SLC24A2: variants seen among roughly 807,000 people sequenced by gnomAD.
SLC24A2 encodes solute carrier family 24 member 2, also known as sodium/potassium/calcium exchanger 2.
Under a neutral mutation model 62.0 loss-of-function variants are expected in SLC24A2, and 36 were observed. The ratio of observed to expected loss-of-function variants is 0.58; its 90% CI spans 0.44 to 0.77. SLC24A2 has a LOEUF of 0.77. Among genes scored for constraint, SLC24A2 ranks in the 30% least tolerant of loss-of-function variants. The pLI is 0.00. For missense variants in SLC24A2, 846 were observed against 817.9 expected (o/e 1.03, Z -0.42); for synonymous variants, 358 against 294.0 (o/e 1.22, Z -2.23).
chr9:19,749,729 A>C (rs898542571), intron 2 of SLC24A2, among the ~76,000 whole-genome samples: 1 of 152,234 alleles, frequency 6.6e-6, no homozygotes, highest in African/African-American at 2.4e-5. Context: ...CTCCTTGTAT[A>C]ATGAAAAACG....
At chr9:19,861,949 G>C in the SLC24A2 span, among the ~76,000 whole-genome samples, 1 of 152,128 alleles carries the variant, frequency 6.6e-6, no homozygotes, top group Non-Finnish European at 1.5e-5. Flanking sequence ...ACGGGATCTA[G>C]AGAATAGCTT....
the SLC24A2 span, chr9:19,929,162 G>C: frequency 6.6e-6 from 1 of 152,132 alleles, no homozygotes; most frequent in Admixed American, 6.6e-5. Context: ...AGATGATCTG[G>C]TAGTTTCTGA....
chr9:19,933,056 C>A, the SLC24A2 span, among the ~76,000 whole-genome samples: 1 of 152,138 alleles, frequency 6.6e-6, no homozygotes, highest in Non-Finnish European at 1.5e-5. Flanking sequence ...GTGGGGGCTG[C>A]GGGGAGGATG....
At chr9:19,780,491 C>G (rs1822981240) in intron 2 of SLC24A2, among the ~76,000 whole-genome samples, 2 of 151,758 alleles carry the variant, frequency 1.3e-5, no homozygotes, top group South Asian at 4.2e-4. Flanking sequence ...TGGTTTTGAA[C>G]TCCTGACCTT....
chr9:20,244,427 C>G, the SLC24A2 span, among the ~76,000 whole-genome samples: 160 of 152,280 alleles, frequency 1.1e-3, no homozygotes, highest in African/African-American at 3.7e-3. Flanking sequence ...CCCTCACCCC[C>G]AGGCCAGGCA....
the SLC24A2 span, among the ~76,000 whole-genome samples, chr9:20,190,131 T>G: frequency 2.0e-5 from 3 of 152,200 alleles, no homozygotes; most frequent in Admixed American, 6.5e-5. Flanking sequence ...ACTCCCTGCA[T>G]GAAGCCTGGC....
At chr9:19,646,612 GGAT>G (rs1408176149) in intron 2 of SLC24A2, among the ~76,000 whole-genome samples, 1 of 152,126 alleles carries the variant, frequency 6.6e-6, no homozygotes, top group Non-Finnish European at 1.5e-5. Context: ...AGATTTTGAT[GGAT>G]AATAACAACC....
intron 4 of SLC24A2, among the ~76,000 whole-genome samples, chr9:19,597,548 G>T (rs1836734688): frequency 6.6e-6 from 1 of 152,120 alleles, no homozygotes; most frequent in Admixed American, 6.6e-5. Context: ...CAATGAAACA[G>T]AGTATTTGGC....
chr9:20,009,112 T>C, the SLC24A2 span, among the ~76,000 whole-genome samples: 1 of 152,172 alleles, frequency 6.6e-6, no homozygotes, highest in Non-Finnish European at 1.5e-5. Context: ...ATGGTTTCTA[T>C]AGTGGGAAAA....
chr9:19,772,493 C>G (rs1822719771), intron 2 of SLC24A2, among the ~76,000 whole-genome samples: 1 of 152,012 alleles, frequency 6.6e-6, no homozygotes, highest in African/African-American at 2.4e-5. Flanking sequence ...GGCTTGTAAC[C>G]AGAATAGATA....
chr9:19,533,173 A>T (rs183393804), intron 8 of SLC24A2, among the ~76,000 whole-genome samples: 1 of 152,292 alleles, frequency 6.6e-6, no homozygotes, highest in East Asian at 1.9e-4. Context: ...ACATGAAAAA[A>T]TCATGTTTTC....
At position 19,627,042 on chromosome 9, in the gene SLC24A2, G is replaced by T. The variant is rs113462194; in HGVS notation, c.931-4743C>A. Among the ~76,000 whole-genome samples the T allele has an allele frequency of 3.9e-3, 598 of 152,254 alleles. 4 individuals carry two copies. Among genetic ancestry groups the T allele is most frequent in the African/African-American group, 0.013 (547 of 41,564 alleles). On this transcript the variant is annotated intron_variant, in intron 2 of 10. Coordinates refer to ENST00000341998, the MANE Select transcript of SLC24A2 (RefSeq NM_020344.4). ...TTAAATAAATTCCTAGACAAAGAAA[G>T]AAAAATTTAAATTCAAATTACTTTG...
At chr9:19,762,790 G>GGGC (rs1249273186) in intron 2 of SLC24A2, among the ~76,000 whole-genome samples, 1 of 103,652 alleles carries the variant, frequency 9.6e-6, no homozygotes, top group Non-Finnish European at 2.2e-5. Context: ...TTGGCTATAT[G>GGGC]TGCTTTTTTT....
chr9:20,270,362 A>C, the SLC24A2 span, among the ~76,000 whole-genome samples: 1 of 152,152 alleles, frequency 6.6e-6, no homozygotes, highest in Non-Finnish European at 1.5e-5. Context: ...ATTGGGAATA[A>C]TGGTAAGGAG....
the SLC24A2 span, among the ~76,000 whole-genome samples, chr9:20,063,034 A>C: frequency 1.7e-5 from 2 of 118,178 alleles, no homozygotes. Context: ...ACACTTTTAC[A>C]CTGTTGGTGG....
At chr9:20,206,458 A>G in the SLC24A2 span, among the ~76,000 whole-genome samples, 1 of 152,018 alleles carries the variant, frequency 6.6e-6, no homozygotes, top group Admixed American at 6.5e-5. Context: ...TCCCAAAAAA[A>G]GTTACATTAA....
chr9:19,608,955 G>C (rs992087668), intron 4 of SLC24A2, among the ~76,000 whole-genome samples: 1 of 152,178 alleles, frequency 6.6e-6, no homozygotes, highest in Admixed American at 6.5e-5. Flanking sequence ...GGGTTTCCCT[G>C]AGCCAGCTGG....
At chr9:19,971,063 T>C in the SLC24A2 span, among the ~76,000 whole-genome samples, 37,547 of 152,146 alleles carry the variant, frequency 0.25, 5,703 homozygotes, top group Admixed American at 0.39. Flanking sequence ...AACAGAGATC[T>C]GAAAAGCACT....
the SLC24A2 span, among the ~76,000 whole-genome samples, chr9:20,201,704 A>T: frequency 2.6e-5 from 4 of 152,284 alleles, no homozygotes; most frequent in African/African-American, 9.6e-5. Flanking sequence ...TTAGGGTTTT[A>T]TCAAGATGGA....
Sources: allele counts gnomAD v4.1 joint callset (sites outside exome capture counted in the v4.1 genomes callset), GRCh38; gene constraint gnomAD v4.1.1; transcripts MANE v1.5; gene names NCBI Gene and HGNC (gene_info 2026-07-23, HGNC 2026-07-21).